CTSK: variants seen among roughly 807,000 people sequenced by gnomAD.
The protein encoded by CTSK is cathepsin O.
In CTSK, 26 loss-of-function variants were observed where a neutral mutation model predicts 40.5. The ratio of observed to expected loss-of-function variants is 0.64; its 90% confidence interval spans 0.47 to 0.89. CTSK has a LOEUF of 0.89. Ranked by LOEUF, CTSK falls within the 40% of genes least tolerant of loss-of-function variation. CTSK has a pLI of 0.00. For synonymous variants in CTSK, 132 were observed against 143.2 expected (o/e 0.92, Z 0.56); for missense variants, 292 against 400.1 (o/e 0.73, Z 2.30).
chr1:150,804,947 C>G (rs1654056166), intron 4 of CTSK, among the ~76,000 whole-genome samples: 1 of 152,070 alleles, frequency 6.6e-6, no homozygotes, highest in Non-Finnish European at 1.5e-5. Flanking sequence ...CATGGTGGCT[C>G]ATGTCTGTAA....
intron 2 of CTSK, 135 bp downstream of exon 2, chr1:150,806,551 G>T: frequency 8.7e-7 from 1 of 1,155,560 alleles, no homozygotes; most frequent in Non-Finnish European, 1.3e-6. Flanking sequence ...AAAACCGTAT[G>T]TTAACATGAG....
At position 150,799,652 on chromosome 1, in the gene CTSK, CT is replaced by C; in HGVS notation, c.675del (p.Glu226ArgfsTer10). On this transcript the variant is annotated frameshift_variant, in exon 6 of 8. Coordinates refer to ENST00000271651, the MANE Select transcript of CTSK (RefSeq NM_000396.4). LOFTEE classifies it high-confidence loss of function. ...TGKAAKCRGY[R>X]EIPEGNEKAL... ...GCTTTCTCATTCCCCTCGGGGATCT[CT>C]CTGTACCCTCTGCATTTAGCTGCCT... The C allele has an allele frequency of 6.2e-7, 1 of 1,614,168 alleles. No homozygotes were observed. The highest frequency in any genetic ancestry group is 1.3e-5 in the African/African-American group (1 of 75,042).
Position 150,805,985 on chromosome 1 carries a change from C to A in CTSK, c.275G>T (p.Gly92Val), listed in dbSNP as rs1327075509. 6.2e-7 allele frequency: 1 copy of A among 1,614,000 alleles called. No individual in the cohort carries two copies. Among genetic ancestry groups the A allele is most frequent in the Non-Finnish European group, 8.5e-7 (1 of 1,180,034 alleles). Residue 92 changes from glycine (G) to valine (V), a missense_variant, in exon 4 of 8, where the codon GGA becomes GTA. Coordinates refer to ENST00000271651, the MANE Select transcript of CTSK (RefSeq NM_000396.4). ...GGAATGAGACAGGGGTACTTTGAGT[C>A]CAGTCATCTTCTGAACCACCTCTTC... Reference protein sequence around the residue: ...TSEEVVQKMTGLKVPLSHSRS... With the variant: ...TSEEVVQKMTVLKVPLSHSRS...
chr1:150,804,122 C>G lies in CTSK; in HGVS notation c.517G>C (p.Glu173Gln). 7 of 1,614,212 alleles carry G rather than the reference C, an allele frequency of 4.3e-6. No individual in the cohort carries two copies. Among genetic ancestry groups the G allele is most frequent in the Non-Finnish European group, 5.9e-6 (7 of 1,180,036 alleles). ...TAGCCCCCTCCACAGCCATCATTCT[C>G]AGACACACAATCCACTAGGTTCTGG... ...SPQNLVDCVS[E>Q]NDGCGGGYMT... The change falls in exon 5 of 8, where the codon GAG becomes CAG. Residue 173 changes from glutamate to glutamine, a missense_variant. Coordinates refer to ENST00000271651, the MANE Select transcript of CTSK (RefSeq NM_000396.4).
At position 150,804,251 on chromosome 1, in the gene CTSK, A is replaced by G; in HGVS notation, c.400-12T>C. On this transcript the variant is annotated splice_polypyrimidine_tract_variant and intron_variant, in intron 4 of 7. Coordinates refer to ENST00000271651, the MANE Select transcript of CTSK (RefSeq NM_000396.4). ...GAACCACACTGACCCTGAAAGGCAT[A>G]CAGAGAAACTATCAATCTTTGCTGT... 2 of 1,599,176 alleles carry G rather than the reference A, an allele frequency of 1.3e-6. No individual in the cohort carries two copies. Among genetic ancestry groups the G allele is most frequent in the Non-Finnish European group, 1.7e-6 (2 of 1,166,390 alleles).
chr1:150,806,490 A>C (rs1410581073), intron 2 of CTSK, among the ~76,000 whole-genome samples, 196 bp downstream of exon 2: 1 of 152,246 alleles, frequency 6.6e-6, no homozygotes, highest in Non-Finnish European at 1.5e-5. Context: ...CACACTTATA[A>C]AGCAAAGGAA....
rs57369418 is a variant in CTSK at position 150,800,194 on chromosome 1, C to CAAAAAAA, written c.619-492_619-486dup. 4.2e-5 allele frequency among the ~76,000 whole-genome samples: 3 copies of CAAAAAAA among 71,716 alleles called. 1 individual carries two copies. In the Admixed American group the frequency reaches 6.2e-4, roughly 15 times the overall value. 47.0% of individuals were successfully genotyped at this position (71,716 alleles called of 152,430 possible). Reference sequence around the variant, plus strand: ...CCTGGGCGAGAGCGAGACTCCATCTCAAAAAAAAAAAAAATCAACTACAGG... The same window carrying CAAAAAAA: ...CCTGGGCGAGAGCGAGACTCCATCTCAAAAAAAAAAAAAAAAAAAAATCAACTACAGG... On this transcript the variant is annotated intron_variant, in intron 5 of 7. Transcript: ENST00000271651.
intron 1 of CTSK, chr1:150,807,129 C>G: frequency 4.5e-6 from 2 of 444,646 alleles, no homozygotes; most frequent in South Asian, 3.7e-5. Context: ...CACACACGTA[C>G]ACAACCAGAA....
intron 1 of CTSK, among the ~76,000 whole-genome samples, chr1:150,807,074 TCTCTCTCACA>T (rs759941341): frequency 0.031 from 1,585 of 51,372 alleles, 61 homozygotes; most frequent in Admixed American, 0.19. Flanking sequence ...TCTGTCTCTC[TCTCTCTCACA>T]CACACACACA....
chr1:150,806,875 G>C lies in CTSK; in HGVS notation c.-1-69C>G, dbSNP rs1654105236. ...GAAACAGAGGAAAACTAGGCTTTAT[G>C]AGGAAGAGAAAGGTAGACGGAAAAA... On this transcript the variant is annotated intron_variant, in intron 1 of 7. Coordinates refer to ENST00000271651, the MANE Select transcript of CTSK (RefSeq NM_000396.4). The C allele has an allele frequency of 1.9e-6, 3 of 1,581,858 alleles. No individual in the cohort carries two copies. In the South Asian group the frequency reaches 3.3e-5, roughly 17 times the overall value.
At chr1:150,805,563 C>T (rs1353431861) in intron 4 of CTSK, among the ~76,000 whole-genome samples, 3 of 142,118 alleles carry the variant, frequency 2.1e-5, no homozygotes, top group Admixed American at 7.5e-5. Flanking sequence ...CGCTTGAACC[C>T]GGGAGGTGTA....
Position 150,805,845 on chromosome 1 carries a change from G to A in CTSK, c.399+16C>T. On this transcript the variant is annotated intron_variant, in intron 4 of 7. Coordinates refer to ENST00000271651, the MANE Select transcript of CTSK (RefSeq NM_000396.4). ...ATGCCAGATTACATATGCACACCCA[G>A]AAGAAAGGAGAGTACCTGATTTTTG... The A allele has an allele frequency of 6.2e-7, 1 of 1,613,788 alleles. No individual in the cohort carries two copies. The highest frequency in any genetic ancestry group is 8.5e-7 in the Non-Finnish European group (1 of 1,179,852).
rs77710483 is a variant in CTSK, at chr1:150,804,354, T to G, written c.400-115A>C. On this transcript the variant is annotated intron_variant, in intron 4 of 7. Transcript: ENST00000271651. ...AAAAATTTCAGCACAAATGTTGTCA[T>G]TGTTGTGAGTCTTCCTCTTCCGCTT... is the stretch of plus-strand genomic sequence containing the variant. 1.4e-3 allele frequency: 1,140 copies of G among 811,988 alleles called. 10 individuals carry two copies. Among genetic ancestry groups the G allele is most frequent in the East Asian group, 0.014 (532 of 37,918 alleles). 50.3% of individuals were successfully genotyped at this position (811,988 alleles called of 1,614,324 possible).
Position 150,806,113 on chromosome 1 carries a change from G to C in CTSK, c.232C>G (p.Leu78Val). The C allele has an allele frequency of 6.2e-7, 1 of 1,614,182 alleles. No individual in the cohort carries two copies. The highest frequency in any genetic ancestry group is 8.5e-7 in the Non-Finnish European group (1 of 1,180,032). Residue 78 changes from leucine (L) to valine (V), a missense_variant, in exon 3 of 8, where the codon CTG (leucine) becomes GTG (valine). Leu to Val is a conservative substitution (Grantham distance 32). Coordinates refer to ENST00000271651, the MANE Select transcript of CTSK (RefSeq NM_000396.4). ...GAAGCTATACTTGCCATGTCCCCCA[G>C]GTGGTTCATAGCCAGTTCATATGTA... is the stretch of plus-strand genomic sequence containing the variant. ...VHTYELAMNHLGDMTSEEVVQ... is the reference protein window; with the variant it reads ...VHTYELAMNHVGDMTSEEVVQ...
chr1:150,806,371 A>G, intron 2 of CTSK, 147 bp from the exon 3 acceptor site: 2 of 955,584 alleles, frequency 2.1e-6, no homozygotes, highest in Non-Finnish European at 3.1e-6. Flanking sequence ...AGAGCCTGCA[A>G]GAAGAGATAA....
Position 150,806,022 on chromosome 1 carries a change from A to C in CTSK, c.244-6T>G. On this transcript the variant is annotated splice_region_variant and splice_polypyrimidine_tract_variant and intron_variant, in intron 3 of 7. Transcript: ENST00000271651. ...TGAACCACCTCTTCACTGGTCTAAG[A>C]CAAAGAAGAAAGAGGCCAGGCATCA... is the stretch of plus-strand genomic sequence containing the variant. The C allele has an allele frequency of 6.2e-7, 1 of 1,614,220 alleles. No individual in the cohort carries two copies. Among genetic ancestry groups the C allele is most frequent in the Non-Finnish European group, 8.5e-7 (1 of 1,180,046 alleles).
At chr1:150,801,190 G>A (rs923233687) in intron 5 of CTSK, among the ~76,000 whole-genome samples, 2 of 151,698 alleles carry the variant, frequency 1.3e-5, no homozygotes, top group African/African-American at 2.4e-5. Context: ...GCAATGGCAT[G>A]ATCTTGGCTC....
At chr1:150,797,593 G>A (rs1284307359) in intron 7 of CTSK, among the ~76,000 whole-genome samples, 4 of 152,162 alleles carry the variant, frequency 2.6e-5, no homozygotes, top group East Asian at 3.8e-4. Flanking sequence ...GAGAGACGAC[G>A]TGAGAAAGAG....
intron 5 of CTSK, among the ~76,000 whole-genome samples, chr1:150,803,006 G>C (rs2101950725): frequency 6.6e-6 from 1 of 152,302 alleles, no homozygotes; most frequent in South Asian, 2.1e-4. Flanking sequence ...GATTGAAGGG[G>C]ATTTCTTACA....
Sources: gnomAD v4.1 joint callset for allele counts (sites outside exome capture counted in the v4.1 genomes callset) on GRCh38, gnomAD v4.1.1 for gene constraint, MANE v1.5 for transcripts, NCBI Gene and HGNC (gene_info 2026-07-23, HGNC 2026-07-21) for gene names.